Variants in DPP10 observed in about 807,000 individuals in gnomAD.
DPP10 encodes dipeptidyl peptidase like 10, also known as inactive dipeptidyl peptidase 10.
Under a neutral mutation model 120.9 loss-of-function variants are expected in DPP10, and 33 were observed. The observed-to-expected ratio is 0.27, with a 90% CI of 0.21 to 0.37. The LOEUF (loss-of-function observed/expected upper bound fraction) is 0.37, where lower values mean the gene tolerates loss of function less well. Ranked by LOEUF, DPP10 falls within the 10% of genes least tolerant of loss-of-function variation. The pLI is 1.00. For missense variants in DPP10, 816 were observed against 942.8 expected (o/e 0.87, Z 1.76); for synonymous variants, 337 against 326.1 (o/e 1.03, Z -0.36).
chr2:115,791,387 G>T (rs1392885931), intron 19 of DPP10, 31 bp downstream of exon 19: 5 of 1,536,416 alleles, frequency 3.3e-6, no homozygotes, highest in Non-Finnish European at 4.4e-6. Context: ...TAAAATAAAG[G>T]AATCTAAAGA....
intron 1 of DPP10, among the ~76,000 whole-genome samples, chr2:114,895,151 G>C (rs765605644): frequency 1.3e-5 from 2 of 152,124 alleles, no homozygotes; most frequent in Non-Finnish European, 2.9e-5. Flanking sequence ...TTTAAGTATT[G>C]ACTACTATTG....
At chr2:114,966,600 C>T (rs889955813) in intron 1 of DPP10, among the ~76,000 whole-genome samples, 14 of 152,218 alleles carry the variant, frequency 9.2e-5, no homozygotes, top group African/African-American at 3.4e-4. Flanking sequence ...CTTTTCTTCA[C>T]AGACAGCCCA....
chr2:115,087,679 G>A (rs925011192), intron 1 of DPP10, among the ~76,000 whole-genome samples: 13 of 151,086 alleles, frequency 8.6e-5, no homozygotes, highest in African/African-American at 2.2e-4. Context: ...TCAGCCTCTC[G>A]AGTAGCTGGG....
intron 1 of DPP10, among the ~76,000 whole-genome samples, chr2:115,192,594 A>G (rs992675031): frequency 3.9e-5 from 6 of 152,186 alleles, no homozygotes; most frequent in Admixed American, 2.0e-4. Context: ...TATTTTTATT[A>G]GTTTTTAGAC....
chr2:115,788,668 C>T (rs940783736), intron 17 of DPP10, among the ~76,000 whole-genome samples: 32 of 152,190 alleles, frequency 2.1e-4, no homozygotes, highest in African/African-American at 7.5e-4. Context: ...TTAAAATACA[C>T]AAATCACTAA....
At chr2:114,891,383 G>T (rs1473974492) in intron 1 of DPP10, among the ~76,000 whole-genome samples, 1 of 152,180 alleles carries the variant, frequency 6.6e-6, no homozygotes, top group African/African-American at 2.4e-5. Context: ...GATAATTCTG[G>T]CTGTCTTTAG....
chr2:115,833,472 C>T (rs1040685984), intron 21 of DPP10, among the ~76,000 whole-genome samples: 1 of 152,142 alleles, frequency 6.6e-6, no homozygotes, highest in African/African-American at 2.4e-5. Flanking sequence ...TGGAAATGCT[C>T]CCTCTAGGGA....
chr2:114,787,646 C>T (rs1354011845), intron 1 of DPP10, among the ~76,000 whole-genome samples: 1 of 152,172 alleles, frequency 6.6e-6, no homozygotes, highest in African/African-American at 2.4e-5. Context: ...CCATGCCACC[C>T]TTTACGTGCC....
chr2:114,840,835 T>G (rs1688101584), intron 1 of DPP10, among the ~76,000 whole-genome samples: 1 of 152,196 alleles, frequency 6.6e-6, no homozygotes, highest in African/African-American at 2.4e-5. Context: ...TCCCTGAACC[T>G]TATATGTGTT....
chr2:115,613,712 T>C (rs1186679482), intron 5 of DPP10, among the ~76,000 whole-genome samples: 1 of 152,200 alleles, frequency 6.6e-6, no homozygotes, highest in East Asian at 1.9e-4. Context: ...AGAGTAAATA[T>C]GTTACTGTCT....
chr2:114,523,371 G>A (rs1341636593), intron 1 of DPP10, among the ~76,000 whole-genome samples: 1 of 152,168 alleles, frequency 6.6e-6, no homozygotes, highest in Non-Finnish European at 1.5e-5. Context: ...CCCTGAAAAA[G>A]AGACAGCTGG....
At chr2:115,338,422 A>T (rs2063274851) in intron 2 of DPP10, among the ~76,000 whole-genome samples, 1 of 152,120 alleles carries the variant, frequency 6.6e-6, no homozygotes, top group Non-Finnish European at 1.5e-5. Flanking sequence ...TGACACTATG[A>T]TCATTCAACA....
chr2:114,765,560 A>T (rs2106121770), intron 1 of DPP10, among the ~76,000 whole-genome samples: 1 of 152,328 alleles, frequency 6.6e-6, no homozygotes, highest in East Asian at 1.9e-4. Flanking sequence ...CTCCTACTAC[A>T]GTCGGAAAAA....
chr2:114,960,461 G>A (rs986993565), intron 1 of DPP10, among the ~76,000 whole-genome samples: 6 of 151,362 alleles, frequency 4.0e-5, no homozygotes, highest in Non-Finnish European at 7.4e-5. Flanking sequence ...GATACTATTT[G>A]CAAAGTTAAT....
intron 1 of DPP10, among the ~76,000 whole-genome samples, chr2:114,656,323 A>C (rs1696964563): frequency 6.6e-6 from 1 of 152,048 alleles, no homozygotes; most frequent in South Asian, 2.1e-4. Flanking sequence ...TTTTTTTGGA[A>C]CAAGATCAGT....
At chr2:115,375,039 G>A (rs932956132) in intron 3 of DPP10, among the ~76,000 whole-genome samples, 1 of 152,186 alleles carries the variant, frequency 6.6e-6, no homozygotes, top group African/African-American at 2.4e-5. Flanking sequence ...AGTTCTGCAG[G>A]TAGCTTGAAT....
At chr2:114,614,087 TA>T (rs1211652535) in intron 1 of DPP10, among the ~76,000 whole-genome samples, 1 of 152,138 alleles carries the variant, frequency 6.6e-6, no homozygotes, top group Non-Finnish European at 1.5e-5. Context: ...TGTACCTATG[TA>T]AAAAACCGGC....
At chr2:115,578,670 A>G (rs959410329) in intron 5 of DPP10, among the ~76,000 whole-genome samples, 2 of 152,238 alleles carry the variant, frequency 1.3e-5, no homozygotes, top group Non-Finnish European at 2.9e-5. Context: ...TTGAGATGCT[A>G]ATCATTACAG....
intron 1 of DPP10, among the ~76,000 whole-genome samples, chr2:115,299,809 A>G (rs2061045635): frequency 6.6e-6 from 1 of 152,032 alleles, no homozygotes; most frequent in East Asian, 1.9e-4. Flanking sequence ...ATTATTTTAT[A>G]TGATTATTTT....
Sources: allele counts gnomAD v4.1 joint callset (sites outside exome capture counted in the v4.1 genomes callset), GRCh38; gene constraint gnomAD v4.1.1; transcripts MANE v1.5; gene names NCBI Gene and HGNC (gene_info 2026-07-23, HGNC 2026-07-21).